The following SETMAR variants were observed in gnomAD, a reference collection of about 807,000 sequenced individuals.
The protein encoded by SETMAR is SET and mariner transposase domain methyltransferase.
A neutral mutation model predicts 58.4 loss-of-function variants in SETMAR; 44 were observed. The ratio of observed to expected loss-of-function variants is 0.75; its 90% CI spans 0.59 to 0.97. The LOEUF is 0.97. Among genes scored for constraint, SETMAR ranks in the 50% least tolerant of loss-of-function variants. The pLI is 0.00. For missense variants in SETMAR, 903 were observed against 840.2 expected, an observed-to-expected ratio of 1.07 and a Z score of -0.92; for synonymous variants, 332 against 307.4, an observed-to-expected ratio of 1.08 and a Z score of -0.84.
rs1249795666 is a variant in SETMAR at position 4,316,713 on chromosome 3, T to C, written c.1522T>C (p.Ser508Pro). Residue 508 changes from serine to proline, a missense_variant, in exon 3 of 3, where the codon TCA (serine) becomes CCA (proline). Physicochemically the swap from Ser to Pro is moderately conservative, Grantham distance 74 (BLOSUM62 -1). Transcript: ENST00000358065. ...GATTTTATATGACAACCGGCGACGA[T>C]CAGCTCAGTGGTTGGATCAAGAAGA... The part of the protein sequence containing the change: ...KWILYDNRRR[S>P]AQWLDQEEAP... 6.4e-7 allele frequency: 1 copy of C among 1,550,952 alleles called. No homozygotes were observed. Among genetic ancestry groups the C allele is most frequent in the African/African-American group, 1.4e-5 (1 of 73,100 alleles).
intron 1 of SETMAR, among the ~76,000 whole-genome samples, chr3:4,306,263 C>T (rs1023517671): frequency 6.6e-6 from 1 of 152,114 alleles, no homozygotes; most frequent in Admixed American, 6.5e-5. Context: ...TTTTAATTAA[C>T]TCACTTTAAG....
In SETMAR at chr3:4,313,610, G is replaced by C. The variant is rs1168581220; in HGVS notation, c.869G>C (p.Gly290Ala). 1 of 1,614,098 alleles carries C rather than the reference G, an allele frequency of 6.2e-7. No individual in the cohort carries two copies. ...HGKLRKPCYC[G>A]AKSCTAFLPF... ...AAACTAAGGAAACCTTGTTACTGTG[G>C]TGCCAAATCATGTACTGCTTTCCTG... Residue 290 changes from glycine to alanine, a missense_variant, in exon 2 of 3, where the codon GGT becomes GCT. Physicochemically the swap from Gly to Ala is moderately conservative, Grantham distance 60. Transcript: ENST00000358065.
chr3:4,309,174 G>A (rs1698308024), intron 1 of SETMAR, among the ~76,000 whole-genome samples: 1 of 152,168 alleles, frequency 6.6e-6, no homozygotes, highest in Non-Finnish European at 1.5e-5. Flanking sequence ...TGCAGGTGAA[G>A]CCTCCAGGTA....
chr3:4,311,726 T>C (rs1698413062), intron 1 of SETMAR, among the ~76,000 whole-genome samples: 1 of 152,240 alleles, frequency 6.6e-6, no homozygotes, highest in Non-Finnish European at 1.5e-5. Flanking sequence ...TAGACCTGTT[T>C]GTTCTATTTC....
rs538706781 is a variant in SETMAR, at chr3:4,308,814, C to T, written c.157-4084C>T. Among the ~76,000 whole-genome samples, 9 of 152,294 alleles carry T rather than the reference C, an allele frequency of 5.9e-5. No individual in the cohort carries two copies. In the East Asian group the frequency reaches 9.6e-4, roughly 16 times the overall value. On this transcript the variant is annotated intron_variant, in intron 1 of 2. Coordinates refer to ENST00000358065, the MANE Select transcript of SETMAR (RefSeq NM_006515.4). ...GACATCTTTGTTCATTGACCATTTA[C>T]GCCTTTGACTTGTCTATGAAAAGAG...
Position 4,316,673 on chromosome 3 carries a change from G to A in SETMAR, c.1482G>A (p.Thr494=), listed in dbSNP as rs1012741688. Residue 494 remains threonine, a synonymous_variant, in exon 3 of 3, where the codon ACG becomes ACA. Coordinates refer to ENST00000358065, the MANE Select transcript of SETMAR (RefSeq NM_006515.4). ...HNEPFLDRIV[T]CDEKWILYDN... ...AACCATTTCTCGATCGGATTGTGACGTGTGATGAAAAGTGGATTTTATATG... is the reference window on the plus strand; with the variant it reads ...AACCATTTCTCGATCGGATTGTGACATGTGATGAAAAGTGGATTTTATATG... The A allele has an allele frequency of 2.1e-5, 33 of 1,551,038 alleles. No homozygotes were observed. Among genetic ancestry groups the A allele is most frequent in the East Asian group, 2.4e-5 (1 of 40,936 alleles).
chr3:4,305,641 TCTTCC>T (rs1698162542), intron 1 of SETMAR, among the ~76,000 whole-genome samples: 2 of 152,188 alleles, frequency 1.3e-5, no homozygotes, highest in Non-Finnish European at 2.9e-5. Context: ...TATTTTGATT[TCTTCC>T]CTTATTTGTT....
At chr3:4,308,307 A>G (rs965656074) in intron 1 of SETMAR, among the ~76,000 whole-genome samples, 7 of 152,182 alleles carry the variant, frequency 4.6e-5, no homozygotes, top group African/African-American at 1.4e-4. Flanking sequence ...CTACCTGCAA[A>G]ATTTTTATTG....
intron 2 of SETMAR, among the ~76,000 whole-genome samples, 197 bp from the exon 3 acceptor site, chr3:4,316,015 C>T (rs1168998846): frequency 2.8e-5 from 4 of 145,430 alleles, no homozygotes; most frequent in Non-Finnish European, 5.9e-5. Context: ...CCACTGCACT[C>T]CAGCTTGGGT....
chr3:4,316,304 C>T lies in SETMAR; in HGVS notation c.1113C>T (p.Asn371=), dbSNP rs751500114. The change falls in exon 3 of 3, where the codon AAC becomes AAT. Residue 371 remains asparagine, a synonymous_variant. Transcript: ENST00000358065. ...MGRKAAETTR[N]INNAFGPGTA... is the part of the protein sequence containing the mutation. ...GTAAAGCAGCAGAAACAACTCGCAA[C>T]ATCAACAATGCATTTGGCCCAGGAA... 2.0e-5 allele frequency: 22 copies of T among 1,116,036 alleles called. No homozygotes were observed. Among genetic ancestry groups the T allele is most frequent in the Non-Finnish European group, 2.8e-5 (21 of 763,040 alleles). The allele number at this position is 1,116,036 out of a possible 1,614,324, so 69.1% of individuals were successfully genotyped here.
At chr3:4,307,913 G>GTGGT (rs1025597768) in intron 1 of SETMAR, among the ~76,000 whole-genome samples, 1 of 152,080 alleles carries the variant, frequency 6.6e-6, no homozygotes, top group Admixed American at 6.6e-5. Flanking sequence ...ACCAGACATG[G>GTGGT]TGGTGCATGC....
chr3:4,305,003 TAATTTTTCTGGTTAAC>T (rs768266591), intron 1 of SETMAR, among the ~76,000 whole-genome samples: 59 of 152,310 alleles, frequency 3.9e-4, no homozygotes, highest in Admixed American at 9.1e-4. Flanking sequence ...AGGTAGATTT[TAATTTTTCTGGTTAAC>T]AATTTTTCTG....
At chr3:4,303,973 T>G in intron 1 of SETMAR, 3 of 729,408 alleles carry the variant, frequency 4.1e-6, no homozygotes, top group Non-Finnish European at 1.9e-6. Flanking sequence ...CTGTGGGCTC[T>G]TGGGCGAGTG....
Position 4,316,945 on chromosome 3 carries a change from T to C in SETMAR, c.1754T>C (p.Leu585Pro). Residue 585 changes from leucine (L) to proline (P), a missense_variant, in exon 3 of 3, where the codon CTT becomes CCT. By Grantham distance (98) the Leu-to-Pro change is moderately conservative (BLOSUM62 -3). Transcript: ENST00000358065. ...LALVNRKGPI[L>P]LHDNARPHVA... Reference sequence around the variant, plus strand: ...TTGGTCAACAGAAAGGGCCCAATTCTTCTCCACGACAATGCCCGACCGCAT... The same window carrying C: ...TTGGTCAACAGAAAGGGCCCAATTCCTCTCCACGACAATGCCCGACCGCAT... 6.5e-7 allele frequency: 1 copy of C among 1,549,368 alleles called. No homozygotes were observed. Among genetic ancestry groups the C allele is most frequent in the Non-Finnish European group, 8.7e-7 (1 of 1,146,732 alleles).
chr3:4,306,404 G>T (rs1446738667), intron 1 of SETMAR, among the ~76,000 whole-genome samples: 1 of 152,076 alleles, frequency 6.6e-6, no homozygotes, highest in Non-Finnish European at 1.5e-5. Context: ...ATTTTTAAAA[G>T]GGGAGAAAGG....
intron 2 of SETMAR, among the ~76,000 whole-genome samples, chr3:4,314,654 A>G (rs1171981092): frequency 6.6e-6 from 1 of 152,192 alleles, no homozygotes; most frequent in Non-Finnish European, 1.5e-5. Context: ...TCATGTATAA[A>G]TAACAGAAAA....
chr3:4,303,444 C>A lies in SETMAR; in HGVS notation c.74C>A (p.Thr25Asn), dbSNP rs747784937. Reference protein sequence around the residue: ...AEFKEKPEAPTEQLDVACGQE... With the variant: ...AEFKEKPEAPNEQLDVACGQE... ...TTTAAGGAGAAGCCTGAGGCCCCGA[C>A]TGAGCAGCTGGATGTCGCGTGCGGC... is the stretch of plus-strand genomic sequence containing the variant. Residue 25 changes from threonine (T) to asparagine (N), a missense_variant, in exon 1 of 3, where the codon ACT becomes AAT. By Grantham distance (65) the Thr-to-Asn change is moderately conservative (BLOSUM62 0). Transcript: ENST00000358065. The A allele has an allele frequency of 5.2e-6, 8 of 1,548,336 alleles. No homozygotes were observed. The Admixed American group carries it at 1.6e-4, about 32-fold the overall frequency.
chr3:4,310,850 TAAAAGTTTAACATG>T (rs1698377830), intron 1 of SETMAR, among the ~76,000 whole-genome samples: 1 of 152,168 alleles, frequency 6.6e-6, no homozygotes, highest in Non-Finnish European at 1.5e-5. Context: ...CAAATCAACT[TAAAAGTTTAACATG>T]AAAAGTTTAA....
At chr3:4,303,559 G>T in intron 1 of SETMAR, 33 bp downstream of exon 1, 1 of 1,339,538 alleles carries the variant, frequency 7.5e-7, no homozygotes, top group Non-Finnish European at 9.5e-7. Context: ...CGGGAGGCGG[G>T]CGCGCGGCTC....
Sources: allele counts gnomAD v4.1 joint callset (sites outside exome capture counted in the v4.1 genomes callset), GRCh38; gene constraint gnomAD v4.1.1; transcripts MANE v1.5; gene names NCBI Gene and HGNC (gene_info 2026-07-23, HGNC 2026-07-21).